Variants in NLRP3 observed in about 807,000 individuals in gnomAD.
NLRP3 encodes NLR family pyrin domain containing 3.
NLRP3 carries 48 observed loss-of-function variants against 91.3 expected under a neutral mutation model. The observed-to-expected ratio is 0.53, with a 90% CI of 0.42 to 0.67. The LOEUF (loss-of-function observed/expected upper bound fraction) is 0.67. NLRP3 is among the 30% of genes least tolerant of loss of function. NLRP3 has a pLI of 0.00. For missense variants in NLRP3, 982 were observed against 1,276.9 expected (o/e 0.77, Z 3.52); for synonymous variants, 561 against 507.9 (o/e 1.10, Z -1.41).
At chr1:247,417,075 G>A (rs1469006701) in intron 1 of NLRP3, among the ~76,000 whole-genome samples, 2 of 152,238 alleles carry the variant, frequency 1.3e-5, no homozygotes, top group African/African-American at 4.8e-5. Context: ...GGAACTCACA[G>A]TCTAGTTGGG....
Position 247,424,238 on chromosome 1 carries a change from C to T in NLRP3, c.789C>T (p.Ser263=), listed in dbSNP as rs146442638. The change falls in exon 4 of 10, where the codon AGC becomes AGT. Residue 263 remains serine, a synonymous_variant. Coordinates refer to ENST00000336119, the MANE Select transcript of NLRP3 (RefSeq NM_001243133.2). The surrounding 1 kb of genome is among the most constrained non-coding windows in gnomAD (Gnocchi z 8.1). ...TCTATATCCACTGTCGAGAGGTGAGCCTTGTGACACAGAGGAGCCTGGGGG... is the reference window on the plus strand; with the variant it reads ...TCTATATCCACTGTCGAGAGGTGAGTCTTGTGACACAGAGGAGCCTGGGGG... ...YLFYIHCREV[S]LVTQRSLGDL... The T allele has an allele frequency of 1.4e-4, 227 of 1,614,074 alleles. No homozygotes were observed. In the African/African-American group the frequency reaches 2.7e-3, roughly 20 times the overall value.
rs199475736 is a variant in NLRP3, at chr1:247,444,154, G to C, written c.2834+12G>C. On this transcript the variant is annotated intron_variant, in intron 8 of 9. Transcript: ENST00000336119. ...CTTCAGGTGTTGGAGTAAGTCCTTT[G>C]GTTTATTACAGCAATGAGAACACAT... 70 of 1,614,076 alleles carry C rather than the reference G, an allele frequency of 4.3e-5. No homozygotes were observed. The African/African-American group carries it at 7.7e-4, about 18-fold the overall frequency.
In NLRP3 at chr1:247,429,519, C is replaced by G; in HGVS notation, c.2151-66C>G. ...TGAACTGGTGCCAGGCACCCCGGCCCCCAGCTCCAGTTAGTTATTATTCGA... is the reference window on the plus strand; with the variant it reads ...TGAACTGGTGCCAGGCACCCCGGCCGCCAGCTCCAGTTAGTTATTATTCGA... On this transcript the variant is annotated intron_variant, in intron 4 of 9. Transcript: ENST00000336119. 2.5e-6 allele frequency: 4 copies of G among 1,583,464 alleles called. No homozygotes were observed. In the South Asian group the frequency reaches 4.4e-5, roughly 18 times the overall value.
In NLRP3 at chr1:247,434,021, G is replaced by A. The variant is rs10925021; in HGVS notation, c.2322-82G>A. 0.015 allele frequency: 10,355 copies of A among 709,792 alleles called. 1,167 individuals carry two copies. The highest frequency in any genetic ancestry group is 0.041 in the Admixed American group (1,362 of 33,530). 44.0% of individuals were successfully genotyped at this position (709,792 alleles called of 1,614,324 possible). A position where few individuals can be genotyped will look rare whatever the true frequency, so the allele number is the denominator to read the frequency against. On this transcript the variant is annotated intron_variant, in intron 5 of 9. Coordinates refer to ENST00000336119, the MANE Select transcript of NLRP3 (RefSeq NM_001243133.2). ...CTCTATTCCGGAGCTTCCTGATCAG[G>A]TGTGTCCTGATGCTTCCTCTGTTCT...
chr1:247,418,035 T>C lies in NLRP3; in HGVS notation c.-748-18T>C, dbSNP rs1293896967. On this transcript the variant is annotated intron_variant, in intron 1 of 9. Transcript: ENST00000336119. ...TGGAGGAACTGAAAACATTCTCTTC[T>C]GCTTTCTCATTTTGTAGATGAGGAA... 1 of 152,336 alleles carries C rather than the reference T, an allele frequency of 6.6e-6. No individual in the cohort carries two copies. Among genetic ancestry groups the C allele is most frequent in the East Asian group, 1.9e-4 (1 of 5,256 alleles). The allele number at this position is 152,336 out of a possible 1,614,324, so 9.4% of individuals were successfully genotyped here. A position where few individuals can be genotyped will look rare whatever the true frequency, so the allele number is the denominator to read the frequency against.
Position 247,434,112 on chromosome 1 carries a change from C to A in NLRP3, c.2331C>A (p.Arg777=), listed in dbSNP as rs372079153. Residue 777 remains arginine, a synonymous_variant, in exon 6 of 10, where the codon CGC becomes CGA. Transcript: ENST00000336119. ...GCNIRRLWLG[R]CGLSHECCFD... The stretch of plus-strand genomic sequence containing the variant: ...TGTTCTTGGCATGAAGGTTGGGGCG[C>A]TGTGGCCTCTCGCATGAGTGCTGCT... 2.5e-6 allele frequency: 4 copies of A among 1,614,120 alleles called. No individual in the cohort carries two copies. The highest frequency in any genetic ancestry group is 3.4e-6 in the Non-Finnish European group (4 of 1,180,056).
intron 1 of NLRP3, among the ~76,000 whole-genome samples, chr1:247,417,234 G>A (rs1034235716): frequency 5.6e-4 from 85 of 152,132 alleles, no homozygotes; most frequent in African/African-American, 1.8e-3. Context: ...CAAAATCCTG[G>A]CTCTGTTCCT....
At chr1:247,423,054 C>G (rs947446739) in intron 2 of NLRP3, among the ~76,000 whole-genome samples, 176 bp from the exon 3 acceptor site, 1 of 152,186 alleles carries the variant, frequency 6.6e-6, no homozygotes, top group African/African-American at 2.4e-5. Flanking sequence ...ACTAGGAGTG[C>G]AGAAATGCTC....
chr1:247,443,370 C>T (rs974165271), intron 7 of NLRP3, among the ~76,000 whole-genome samples: 11 of 151,980 alleles, frequency 7.2e-5, no homozygotes, highest in African/African-American at 2.4e-4. Flanking sequence ...AGGGCTGCAG[C>T]GAGAAAGATG....
intron 1 of NLRP3, among the ~76,000 whole-genome samples, 167 bp downstream of exon 1, chr1:247,416,360 T>G (rs1030265978): frequency 3.9e-5 from 6 of 152,184 alleles, no homozygotes; most frequent in African/African-American, 1.4e-4. Flanking sequence ...TATCATTATT[T>G]GGGCTCTACG....
chr1:247,425,021 G>A lies in NLRP3; in HGVS notation c.1572G>A (p.Gln524=). The A allele has an allele frequency of 1.2e-6, 2 of 1,614,210 alleles. No homozygotes were observed. The highest frequency in any genetic ancestry group is 1.7e-6 in the Non-Finnish European group (2 of 1,180,036). ...ACAGCTTCATCCACATGACTTTCCAGGAGTTCTTTGCCGCCATGTACTACC... is the reference window on the plus strand; with the variant it reads ...ACAGCTTCATCCACATGACTTTCCAAGAGTTCTTTGCCGCCATGTACTACC... The part of the protein sequence containing the change: ...KFYSFIHMTF[Q]EFFAAMYYLL... The change falls in exon 4 of 10, where the codon CAG becomes CAA. Residue 524 remains glutamine, a synonymous_variant. Coordinates refer to ENST00000336119, the MANE Select transcript of NLRP3 (RefSeq NM_001243133.2). This position sits in a 1 kb window ranked among gnomAD's most constrained non-coding sequence, Gnocchi z 4.1.
chr1:247,432,082 A>T (rs944273218), intron 5 of NLRP3, among the ~76,000 whole-genome samples: 12 of 152,194 alleles, frequency 7.9e-5, no homozygotes, highest in African/African-American at 2.9e-4. Flanking sequence ...ACAAGGTTTC[A>T]CCGTATTGGC....
In NLRP3 at chr1:247,434,247, C is replaced by A; in HGVS notation, c.2466C>A (p.His822Gln). 1.2e-6 allele frequency: 2 copies of A among 1,614,216 alleles called. No homozygotes were observed. The highest frequency in any genetic ancestry group is 8.5e-7 in the Non-Finnish European group (1 of 1,180,042). The change falls in exon 6 of 10, where the codon CAC (histidine) becomes CAA (glutamine). Residue 822 changes from histidine to glutamine, a missense_variant. His to Gln is a conservative substitution (Grantham distance 24). Around this residue, in one of 5 missense-constraint regions of NLRP3, gnomAD observed 373 missense variants for 431.5 expected, o/e 0.86. Coordinates refer to ENST00000336119, the MANE Select transcript of NLRP3 (RefSeq NM_001243133.2). ...GACTTCTGTGTGTGGGACTGAAGCACCTGTTGTGCAATCTGAAGAAGCTCT... is the reference window on the plus strand; with the variant it reads ...GACTTCTGTGTGTGGGACTGAAGCAACTGTTGTGCAATCTGAAGAAGCTCT... ...GIRLLCVGLK[H>Q]LLCNLKKLWL...
Position 247,436,045 on chromosome 1 carries a change from C to T in NLRP3, c.2568C>T (p.Thr856=). The change falls in exon 7 of 10, where the codon ACC becomes ACT. Residue 856 remains threonine, a synonymous_variant. Transcript: ENST00000336119. ...TATTGAGCACCAGCCATTCCCTGAC[C>T]AGACTCTATGTGGGGGAGAATGCCT... The part of the protein sequence containing the change: ...ASVLSTSHSL[T]RLYVGENALG... 1 of 1,614,138 alleles carries T rather than the reference C, an allele frequency of 6.2e-7. No individual in the cohort carries two copies. Among genetic ancestry groups the T allele is most frequent in the Non-Finnish European group, 8.5e-7 (1 of 1,180,032 alleles).
chr1:247,418,987 G>A lies in NLRP3; in HGVS notation c.187G>A (p.Glu63Lys). The change falls in exon 2 of 10, where the codon GAG becomes AAG. Residue 63 changes from glutamate to lysine, a missense_variant. This residue lies in a region of NLRP3 where 548 missense variants were observed against 713.7 expected (regional missense o/e 0.77). Coordinates refer to ENST00000336119, the MANE Select transcript of NLRP3 (RefSeq NM_001243133.2). ...GCTAATGATCGACTTCAATGGGGAG[G>A]AGAAGGCGTGGGCCATGGCCGTGTG... The part of the protein sequence containing the change: ...ATLMIDFNGE[E>K]KAWAMAVWIF... 6.2e-7 allele frequency: 1 copy of A among 1,614,114 alleles called. No homozygotes were observed. Among genetic ancestry groups the A allele is most frequent in the Non-Finnish European group, 8.5e-7 (1 of 1,180,026 alleles).
In NLRP3 at chr1:247,419,016, C is replaced by A; in HGVS notation, c.216C>A (p.Ile72=). ...AGGCGTGGGCCATGGCCGTGTGGATCTTCGCTGCGATCAACAGGAGAGACC... is the reference window on the plus strand; with the variant it reads ...AGGCGTGGGCCATGGCCGTGTGGATATTCGCTGCGATCAACAGGAGAGACC... ...EEKAWAMAVW[I]FAAINRRDLY... The change falls in exon 2 of 10, where the codon ATC becomes ATA. Residue 72 remains isoleucine, a synonymous_variant. Transcript: ENST00000336119. The A allele has an allele frequency of 1.9e-6, 3 of 1,613,842 alleles. No homozygotes were observed. Among genetic ancestry groups the A allele is most frequent in the East Asian group, 4.5e-5 (2 of 44,878 alleles).
chr1:247,423,083 G>A, intron 2 of NLRP3, 147 bp from the exon 3 acceptor site: 2 of 1,121,594 alleles, frequency 1.8e-6, no homozygotes, highest in South Asian at 1.3e-5. Context: ...ACTTTTGACT[G>A]GATACCTGTC....
chr1:247,419,644 G>A (rs1662317840), intron 2 of NLRP3, among the ~76,000 whole-genome samples: 1 of 151,940 alleles, frequency 6.6e-6, no homozygotes, highest in African/African-American at 2.4e-5. Context: ...TACTACTCTG[G>A]GTACCTCATA....
chr1:247,448,309 G>C, intron 9 of NLRP3, 96 bp from the exon 10 acceptor site: 1 of 711,726 alleles, frequency 1.4e-6, no homozygotes, highest in Admixed American at 1.8e-5. Context: ...GAAGTGTGTG[G>C]AGTTTAGGGA....
Sources: allele counts gnomAD v4.1 joint callset (sites outside exome capture counted in the v4.1 genomes callset), GRCh38; gene constraint gnomAD v4.1.1; regional missense constraint gnomAD v4.1.1; non-coding constraint Gnocchi (gnomAD v3.1); transcripts MANE v1.5; gene names NCBI Gene and HGNC (gene_info 2026-07-23, HGNC 2026-07-21).